The following SLF2 variants were observed in gnomAD, a reference collection of about 807,000 sequenced individuals.
The protein encoded by SLF2 is SMC5/6 complex localization factor 2.
Under a neutral mutation model 124.3 loss-of-function variants are expected in SLF2, and 68 were observed. The observed-to-expected ratio is 0.55, with a 90% CI of 0.45 to 0.67. The LOEUF (loss-of-function observed/expected upper bound fraction) is 0.67. Among genes scored for constraint, SLF2 ranks in the 30% least tolerant of loss-of-function variants. The probability of loss-of-function intolerance (pLI) is 0.00; values close to 1 mark genes in which losing one functional copy is unlikely to be tolerated. For synonymous variants in SLF2, 480 were observed against 478.8 expected, an observed-to-expected ratio of 1.00 and a Z score of -0.03; for missense variants, 1,246 against 1,373.7, an observed-to-expected ratio of 0.91 and a Z score of 1.47.
At chr10:100,935,443 G>A (rs1320446539) in intron 9 of SLF2, among the ~76,000 whole-genome samples, 1 of 151,824 alleles carries the variant, frequency 6.6e-6, no homozygotes, top group East Asian at 1.9e-4. Flanking sequence ...GCTTAAGCCT[G>A]TAATCGCAGC....
At chr10:100,930,908 T>G in intron 8 of SLF2, 68 bp from the exon 9 acceptor site, 2 of 1,155,866 alleles carry the variant, frequency 1.7e-6, no homozygotes, top group Non-Finnish European at 2.6e-6. Flanking sequence ...TCAGATGTGT[T>G]GGTGGTGATA....
At chr10:100,959,004 T>A (rs1213027966) in intron 18 of SLF2, among the ~76,000 whole-genome samples, 3 of 152,184 alleles carry the variant, frequency 2.0e-5, no homozygotes, top group Admixed American at 1.3e-4. Flanking sequence ...ACGTTTTTTT[T>A]ATGGCTTTGA....
chr10:100,928,091 G>C (rs1475892639), intron 6 of SLF2, among the ~76,000 whole-genome samples: 3 of 134,942 alleles, frequency 2.2e-5, no homozygotes, highest in South Asian at 2.3e-4. Flanking sequence ...GAGAGAGAGA[G>C]AGAGAGAGAG....
chr10:100,947,184 T>A lies in SLF2; in HGVS notation c.3032+48T>A, dbSNP rs1214238840. 3 of 1,093,938 alleles carry A rather than the reference T, an allele frequency of 2.7e-6. No homozygotes were observed. In the African/African-American group the frequency reaches 4.9e-5, roughly 18 times the overall value. 67.8% of individuals were successfully genotyped at this position (1,093,938 alleles called of 1,614,324 possible). A position where few individuals can be genotyped will look rare whatever the true frequency, so the allele number is the denominator to read the frequency against. ...CATTAAGAAATTTTATAATTTTACATTAATGAAATGCCTTGGGTTGTTTAT... is the reference window on the plus strand; with the variant it reads ...CATTAAGAAATTTTATAATTTTACAATAATGAAATGCCTTGGGTTGTTTAT... On this transcript the variant is annotated intron_variant, in intron 14 of 19. Transcript: ENST00000238961.
At chr10:100,944,533 G>T in intron 12 of SLF2, among the ~76,000 whole-genome samples, 1 of 150,150 alleles carries the variant, frequency 6.7e-6, no homozygotes, top group African/African-American at 2.4e-5. Context: ...TTTCTTACCA[G>T]GTGATTTCCA....
At chr10:100,949,477 CTTTGTTG>C (rs1850169651) in intron 15 of SLF2, among the ~76,000 whole-genome samples, 1 of 152,140 alleles carries the variant, frequency 6.6e-6, no homozygotes, top group Non-Finnish European at 1.5e-5. Flanking sequence ...ACAGAGTCAA[CTTTGTTG>C]ACTTTCAAAT....
intron 12 of SLF2, 39 bp downstream of exon 12, chr10:100,944,167 G>T (rs766617024): frequency 7.5e-7 from 1 of 1,331,814 alleles, no homozygotes. Flanking sequence ...CTCAGAGCTA[G>T]AACCATTTAG....
At chr10:100,943,010 C>T (rs1467141138) in intron 11 of SLF2, among the ~76,000 whole-genome samples, 1 of 150,420 alleles carries the variant, frequency 6.6e-6, no homozygotes, top group Admixed American at 6.7e-5. Flanking sequence ...ATTACACGGG[C>T]CTGGTTGATT....
At chr10:100,949,598 C>CTT (rs1283936572) in intron 15 of SLF2, among the ~76,000 whole-genome samples, 1 of 144,620 alleles carries the variant, frequency 6.9e-6, no homozygotes. Flanking sequence ...CTTAAAATCC[C>CTT]TTTTTTTTTT....
intron 4 of SLF2, among the ~76,000 whole-genome samples, chr10:100,922,776 A>ATT (rs201403883): frequency 8.5e-5 from 12 of 140,498 alleles, no homozygotes; most frequent in East Asian, 6.2e-4. Flanking sequence ...GTTAAAGTGA[A>ATT]TTTTTTTTTT....
intron 7 of SLF2, 120 bp from the exon 8 acceptor site, chr10:100,929,710 A>T: frequency 1.3e-6 from 1 of 759,696 alleles, no homozygotes. Context: ...TTCTCATGCT[A>T]GTCTTCTAAT....
At chr10:100,944,198 A>T in intron 12 of SLF2, 70 bp downstream of exon 12, 30 of 991,262 alleles carry the variant, frequency 3.0e-5, no homozygotes, top group Middle Eastern at 2.6e-4. Flanking sequence ...ATGGTTTTTA[A>T]AAAAAAAAAA....
At chr10:100,929,789 G>C in intron 7 of SLF2, 41 bp from the exon 8 acceptor site, 1 of 1,450,086 alleles carries the variant, frequency 6.9e-7, no homozygotes, top group Non-Finnish European at 9.4e-7. Context: ...ACTATATGTA[G>C]TGTAACAATT....
Position 100,916,624 on chromosome 10 carries a change from G to T in SLF2, c.239G>T (p.Arg80Ile). ...QKSNIKYGGS[R>I]LSITGTEQFE... is the part of the protein sequence containing the mutation. ...TCAAACATCAAATATGGAGGAAGTA[G>T]ATTGTCTATCACTGGGACAGAGCAG... The change falls in exon 3 of 20, where the codon AGA (arginine) becomes ATA (isoleucine). Residue 80 changes from arginine (R) to isoleucine (I), a missense_variant. By Grantham distance (97) the Arg-to-Ile change is moderately conservative (BLOSUM62 -3). This residue lies in a region of SLF2 where 698 missense variants were observed against 708.9 expected (regional missense o/e 0.98). Coordinates refer to ENST00000238961, the MANE Select transcript of SLF2 (RefSeq NM_018121.4). 1 of 1,451,854 alleles carries T rather than the reference G, an allele frequency of 6.9e-7. No individual in the cohort carries two copies. The highest frequency in any genetic ancestry group is 9.1e-7 in the Non-Finnish European group (1 of 1,101,600). The allele number at this position is 1,451,854 out of a possible 1,614,324, so 89.9% of individuals were successfully genotyped here.
At chr10:100,929,175 A>T (rs1849678368) in intron 6 of SLF2, 142 bp from the exon 7 acceptor site, 1 of 630,324 alleles carries the variant, frequency 1.6e-6, no homozygotes, top group Non-Finnish European at 2.6e-6. Flanking sequence ...GGGAGACATA[A>T]TTTGACCGAT....
At chr10:100,947,201 G>A (rs1850121441) in intron 14 of SLF2, 65 bp downstream of exon 14, 1 of 941,182 alleles carries the variant, frequency 1.1e-6, no homozygotes, top group Non-Finnish European at 1.6e-6. Context: ...AATGCCTTGG[G>A]TTGTTTATTT....
At chr10:100,959,301 A>T in intron 18 of SLF2, 127 bp from the exon 19 acceptor site, 1 of 739,536 alleles carries the variant, frequency 1.4e-6, no homozygotes. Flanking sequence ...CTCTTTGTTG[A>T]CAGAAATCAA....
intron 19 of SLF2, among the ~76,000 whole-genome samples, chr10:100,961,553 C>T (rs1293295117): frequency 6.6e-6 from 1 of 152,044 alleles, no homozygotes; most frequent in East Asian, 1.9e-4. Flanking sequence ...TGGTCATGTA[C>T]TGATGTGGTA....
At chr10:100,915,966 T>C (rs765099545) in intron 1 of SLF2, 33 bp from the exon 2 acceptor site, 1 of 1,525,216 alleles carries the variant, frequency 6.6e-7, no homozygotes, top group Admixed American at 1.7e-5. Flanking sequence ...TAATATTTGC[T>C]TATATGATGC....
Sources: allele counts gnomAD v4.1 joint callset (sites outside exome capture counted in the v4.1 genomes callset), GRCh38; gene constraint gnomAD v4.1.1; regional missense constraint gnomAD v4.1.1; transcripts MANE v1.5; gene names NCBI Gene and HGNC (gene_info 2026-07-23, HGNC 2026-07-21).